Variants in PLD5 observed in about 807,000 individuals in gnomAD.
PLD5 encodes the protein inactive phospholipase D5.
In PLD5, 36 loss-of-function variants were observed where a neutral mutation model predicts 61.1. That is an observed-to-expected ratio of 0.59 (90% CI 0.45 to 0.78). The LOEUF is 0.78. Among genes scored for constraint, PLD5 ranks in the 30% least tolerant of loss-of-function variants. The pLI is 0.00. For synonymous variants in PLD5, 243 were observed against 242.8 expected (o/e 1.00, Z -0.01); for missense variants, 515 against 644.4 (o/e 0.80, Z 2.17).
At chr1:242,096,336 C>CCTTTCT (rs1660224766) in intron 9 of PLD5, among the ~76,000 whole-genome samples, 1 of 151,220 alleles carries the variant, frequency 6.6e-6, no homozygotes, top group Non-Finnish European at 1.5e-5. Context: ...TCTCTCTTTC[C>CCTTTCT]CTTTCTCTTT....
At chr1:242,373,694 G>T (rs113095653) in intron 1 of PLD5, among the ~76,000 whole-genome samples, 4 of 151,980 alleles carry the variant, frequency 2.6e-5, no homozygotes, top group African/African-American at 7.3e-5. Flanking sequence ...GCAAACTATC[G>T]CAAGGACAGA....
intron 1 of PLD5, among the ~76,000 whole-genome samples, chr1:242,438,358 G>C (rs952613886): frequency 2.6e-5 from 4 of 151,580 alleles, no homozygotes; most frequent in Non-Finnish European, 5.9e-5. Flanking sequence ...CTGCCTCCCG[G>C]GTTCAAGCAA....
At chr1:242,192,211 G>T in intron 5 of PLD5, 1 of 152,324 alleles carries the variant, frequency 6.6e-6, no homozygotes, top group Non-Finnish European at 1.5e-5. Context: ...GCCTCATTTG[G>T]GACACCACCA....
At chr1:242,237,143 TA>T (rs961582143) in intron 4 of PLD5, among the ~76,000 whole-genome samples, 7 of 152,110 alleles carry the variant, frequency 4.6e-5, no homozygotes, top group Admixed American at 1.3e-4. Flanking sequence ...TTTTTTTCTT[TA>T]AAAATCACCA....
At chr1:242,126,246 T>A (rs1199562464) in intron 5 of PLD5, among the ~76,000 whole-genome samples, 2 of 152,156 alleles carry the variant, frequency 1.3e-5, no homozygotes, top group Admixed American at 6.5e-5. Context: ...CCAAAAGTAA[T>A]CTACAAATTC....
chr1:242,477,142 G>A (rs745739753), intron 1 of PLD5, among the ~76,000 whole-genome samples: 26 of 151,948 alleles, frequency 1.7e-4, no homozygotes, highest in Non-Finnish European at 3.1e-4. Flanking sequence ...CCCAGCTACT[G>A]GGGAGGCTGA....
intron 1 of PLD5, among the ~76,000 whole-genome samples, chr1:242,374,510 C>T (rs534029100): frequency 6.6e-6 from 1 of 152,260 alleles, no homozygotes; most frequent in South Asian, 2.1e-4. Flanking sequence ...CAGGGCTTGT[C>T]ACAGAAACCA....
intron 9 of PLD5, among the ~76,000 whole-genome samples, chr1:242,094,170 A>T (rs757157603): frequency 6.6e-6 from 1 of 151,792 alleles, no homozygotes; most frequent in Non-Finnish European, 1.5e-5. Context: ...ATGCATGCTG[A>T]GGCCCCAGTT....
intron 8 of PLD5, among the ~76,000 whole-genome samples, chr1:242,104,935 A>G (rs1002790063): frequency 6.6e-6 from 1 of 152,250 alleles, no homozygotes; most frequent in Non-Finnish European, 1.5e-5. Context: ...TTTAAAAAGT[A>G]TTAAGTACTT....
At chr1:242,327,106 C>G (rs192441027) in intron 2 of PLD5, among the ~76,000 whole-genome samples, 27 of 152,214 alleles carry the variant, frequency 1.8e-4, no homozygotes, top group African/African-American at 5.8e-4. Flanking sequence ...ACCTCGTGAT[C>G]CACCTGCCTC....
chr1:242,145,603 T>A (rs927484656), intron 5 of PLD5, among the ~76,000 whole-genome samples: 1 of 152,170 alleles, frequency 6.6e-6, no homozygotes, highest in Admixed American at 6.5e-5. Context: ...AACTTTTTTT[T>A]AATTTTTAAA....
chr1:242,392,766 A>G (rs1229953865), intron 1 of PLD5, among the ~76,000 whole-genome samples: 1 of 152,186 alleles, frequency 6.6e-6, no homozygotes, highest in Non-Finnish European at 1.5e-5. Context: ...TGAAATAAGC[A>G]GTCACCTTGG....
At chr1:242,208,814 C>A (rs1307962175) in intron 5 of PLD5, among the ~76,000 whole-genome samples, 3 of 152,100 alleles carry the variant, frequency 2.0e-5, no homozygotes, top group Admixed American at 6.6e-5. Context: ...TCATAGAAAC[C>A]TTTTAATTCT....
chr1:242,402,747 T>A (rs544022896), intron 1 of PLD5, among the ~76,000 whole-genome samples: 1 of 152,212 alleles, frequency 6.6e-6, no homozygotes, highest in Non-Finnish European at 1.5e-5. Context: ...AGGAAGTTTA[T>A]CTTAAAAGTG....
chr1:242,252,547 C>A (rs1414679866), intron 4 of PLD5, among the ~76,000 whole-genome samples: 1 of 151,664 alleles, frequency 6.6e-6, no homozygotes, highest in Admixed American at 6.6e-5. Context: ...ACTATCTCTA[C>A]AACAAAGAAA....
chr1:242,425,862 C>T (rs1490891134), intron 1 of PLD5, among the ~76,000 whole-genome samples: 1 of 151,958 alleles, frequency 6.6e-6, no homozygotes, highest in Non-Finnish European at 1.5e-5. Context: ...ACAGGATGGT[C>T]TCGATCTCCT....
intron 1 of PLD5, among the ~76,000 whole-genome samples, chr1:242,377,821 T>C (rs939910906): frequency 6.6e-6 from 1 of 152,158 alleles, no homozygotes; most frequent in South Asian, 2.1e-4. Flanking sequence ...CACAATTAGA[T>C]ACTTCACACT....
chr1:242,512,377 G>A (rs567266731), intron 1 of PLD5, among the ~76,000 whole-genome samples: 10 of 146,790 alleles, frequency 6.8e-5, no homozygotes, highest in Middle Eastern at 7.4e-3. Context: ...CCAAGATCGT[G>A]CCACTGCACT....
intron 5 of PLD5, among the ~76,000 whole-genome samples, chr1:242,147,027 C>A (rs1301467991): frequency 6.6e-6 from 1 of 152,178 alleles, no homozygotes; most frequent in Non-Finnish European, 1.5e-5. Flanking sequence ...TATTGAGGTA[C>A]AATTGACATA....
Sources: allele counts gnomAD v4.1 joint callset (sites outside exome capture counted in the v4.1 genomes callset), GRCh38; gene constraint gnomAD v4.1.1; transcripts MANE v1.5; gene names NCBI Gene and HGNC (gene_info 2026-07-23, HGNC 2026-07-21).